The following SPTBN1 variants were observed in gnomAD, a reference collection of about 807,000 sequenced individuals.
SPTBN1 encodes spectrin beta chain, non-erythrocytic 1.
SPTBN1 carries 32 observed loss-of-function variants against 266.4 expected under a neutral mutation model. The observed-to-expected ratio is 0.12, with a 90% CI of 0.09 to 0.16. The LOEUF is 0.16. Among genes scored for constraint, SPTBN1 ranks in the 10% least tolerant of loss-of-function variants. The pLI, the probability that SPTBN1 is intolerant of heterozygous loss-of-function variation, is 1.00. For synonymous variants in SPTBN1, 1,336 were observed against 1,162.2 expected (o/e 1.15, Z -3.04); for missense variants, 2,296 against 3,067.1 (o/e 0.75, Z 5.94).
At chr2:54,562,696 TTGTGTGTGTGTGTGTGTGTG>T (rs55947327) in intron 2 of SPTBN1, among the ~76,000 whole-genome samples, 1 of 122,598 alleles carries the variant, frequency 8.2e-6, no homozygotes, top group African/African-American at 3.6e-5. Context: ...AAACCCTGCT[TTGTGTGTGTGTGTGTGTGTG>T]TGTGTGTGTG....
chr2:54,611,596 C>T (rs1388086673), intron 3 of SPTBN1, among the ~76,000 whole-genome samples: 1 of 152,104 alleles, frequency 6.6e-6, no homozygotes, highest in Non-Finnish European at 1.5e-5. Flanking sequence ...TTGCACTACA[C>T]TCATTTTTTT....
rs1396512547 is a variant in SPTBN1 at position 54,558,489 on chromosome 2, C to T, written c.148+31923C>T. On this transcript the variant is annotated intron_variant, in intron 2 of 35. Coordinates refer to ENST00000356805, the MANE Select transcript of SPTBN1 (RefSeq NM_003128.3). This position sits in a 1 kb window ranked among gnomAD's most constrained non-coding sequence, Gnocchi z 4.6. ...AAGTTCTGAAGTAGAACCTGCGCCT[C>T]CTCTCTGCTTCTCCCTCCTCCTCAG... The T allele has an allele frequency of 6.9e-6, 8 of 1,151,284 alleles. No individual in the cohort carries two copies. The Admixed American group carries it at 1.4e-4, about 21-fold the overall frequency. The allele number at this position is 1,151,284 out of a possible 1,614,324, so 71.3% of individuals were successfully genotyped here.
In SPTBN1 at chr2:54,531,682, C is replaced by T. The variant is rs181658018; in HGVS notation, c.148+5116C>T. On this transcript the variant is annotated intron_variant, in intron 2 of 35. Coordinates refer to ENST00000356805, the MANE Select transcript of SPTBN1 (RefSeq NM_003128.3). ...CCAGCTTATCATTACAACAATGAAT[C>T]GGCCAGCAATCAGTCACTTCCAGTG... Among the ~76,000 whole-genome samples the T allele has an allele frequency of 6.6e-5, 10 of 151,778 alleles. No homozygotes were observed. The East Asian group carries it at 1.2e-3, about 18-fold the overall frequency.
chr2:54,527,689 C>T (rs79102871), intron 2 of SPTBN1: 4,173 of 152,328 alleles, frequency 0.027, 104 homozygotes, highest in Admixed American at 0.036. Context: ...CCCAAGATGG[C>T]TGCCCCAGGT....
intron 2 of SPTBN1, chr2:54,529,471 G>A (rs1310585654): frequency 1.4e-6 from 1 of 715,014 alleles, no homozygotes; most frequent in Non-Finnish European, 2.6e-6. Context: ...AGATCCGCAT[G>A]TCACCCACCT....
chr2:54,492,358 T>C (rs1668736707), intron 1 of SPTBN1, among the ~76,000 whole-genome samples: 1 of 151,130 alleles, frequency 6.6e-6, no homozygotes, highest in South Asian at 2.1e-4. Flanking sequence ...TGTTTTTTTT[T>C]TTTTTTGCTA....
At chr2:54,578,314 G>C (rs1225245392) in intron 2 of SPTBN1, among the ~76,000 whole-genome samples, 2 of 152,218 alleles carry the variant, frequency 1.3e-5, no homozygotes, top group East Asian at 1.9e-4. Context: ...CTGAAGTTCA[G>C]ATTATTGGAG....
chr2:54,621,357 A>G (rs763895806), intron 7 of SPTBN1, 43 bp from the exon 8 acceptor site: 2 of 1,486,858 alleles, frequency 1.3e-6, no homozygotes, highest in Non-Finnish European at 1.9e-6. Context: ...GGTGGGGCAC[A>G]GTAGCATGCA....
At chr2:54,509,393 A>G (rs1669737621) in intron 1 of SPTBN1, among the ~76,000 whole-genome samples, 1 of 152,204 alleles carries the variant, frequency 6.6e-6, no homozygotes, top group Non-Finnish European at 1.5e-5. Flanking sequence ...ATCAGGTGTG[A>G]GGAAGAAAAT....
At chr2:54,512,447 T>C (rs1669907833) in intron 1 of SPTBN1, among the ~76,000 whole-genome samples, 1 of 152,216 alleles carries the variant, frequency 6.6e-6, no homozygotes, top group Admixed American at 6.5e-5. Flanking sequence ...TGAGAAAATT[T>C]AATAAAGTGT....
intron 2 of SPTBN1, among the ~76,000 whole-genome samples, chr2:54,585,097 T>C (rs1421006526): frequency 1.3e-5 from 2 of 152,358 alleles, no homozygotes; most frequent in East Asian, 3.9e-4. Context: ...ATCTCCCCAT[T>C]TATGCCCTCT....
At chr2:54,578,455 AGCTGCTGCT>A (rs147088727) in intron 2 of SPTBN1, among the ~76,000 whole-genome samples, 28 of 152,078 alleles carry the variant, frequency 1.8e-4, no homozygotes, top group Non-Finnish European at 3.4e-4. Context: ...GTTTCCGGTT[AGCTGCTGCT>A]GCTGCTGCTG....
chr2:54,657,346 C>T (rs1202913722), intron 29 of SPTBN1, among the ~76,000 whole-genome samples: 1 of 152,082 alleles, frequency 6.6e-6, no homozygotes, highest in Non-Finnish European at 1.5e-5. Context: ...TTGTGAATTC[C>T]TGCAGGTCTC....
chr2:54,617,036 T>C (rs1002940825), intron 5 of SPTBN1, among the ~76,000 whole-genome samples: 1 of 152,242 alleles, frequency 6.6e-6, no homozygotes, highest in Non-Finnish European at 1.5e-5. Context: ...TATGAACCTT[T>C]AATCAGCTAC....
At chr2:54,479,874 T>G (rs78900650) in intron 1 of SPTBN1, among the ~76,000 whole-genome samples, 2 of 149,024 alleles carry the variant, frequency 1.3e-5, no homozygotes, top group African/African-American at 4.9e-5. Flanking sequence ...TTTTTTTTTT[T>G]CCAAGAGGCA....
chr2:54,493,843 C>T (rs1023095779), intron 1 of SPTBN1, among the ~76,000 whole-genome samples: 9 of 152,138 alleles, frequency 5.9e-5, no homozygotes, highest in African/African-American at 2.2e-4. Flanking sequence ...AACTGGAGAC[C>T]CCTGATACCT....
At chr2:54,559,470 A>C (rs1311163228) in intron 2 of SPTBN1, among the ~76,000 whole-genome samples, 1 of 152,184 alleles carries the variant, frequency 6.6e-6, no homozygotes, top group Non-Finnish European at 1.5e-5. Context: ...GGTTATTGTC[A>C]TTTCAACCCT....
intron 3 of SPTBN1, among the ~76,000 whole-genome samples, chr2:54,607,380 T>C (rs1676916717): frequency 6.6e-6 from 1 of 152,202 alleles, no homozygotes. Context: ...CCCAGCACTT[T>C]GGGAGGCCAA....
At chr2:54,476,899 T>A (rs1667860666) in intron 1 of SPTBN1, among the ~76,000 whole-genome samples, 1 of 152,220 alleles carries the variant, frequency 6.6e-6, no homozygotes, top group East Asian at 1.9e-4. Context: ...CTTCATTTAG[T>A]TGCCTTTGTG....
Sources: allele counts gnomAD v4.1 joint callset (sites outside exome capture counted in the v4.1 genomes callset), GRCh38; gene constraint gnomAD v4.1.1; non-coding constraint Gnocchi (gnomAD v3.1); transcripts MANE v1.5; gene names NCBI Gene and HGNC (gene_info 2026-07-23, HGNC 2026-07-21).